CCDC73: variants seen among roughly 807,000 people sequenced by gnomAD.
CCDC73 encodes the protein coiled-coil domain-containing protein 73.
CCDC73 carries 95 observed loss-of-function variants against 116.5 expected under a neutral mutation model. The observed-to-expected ratio is 0.82, with a 90% CI of 0.69 to 0.97. The LOEUF (loss-of-function observed/expected upper bound fraction) is 0.97. Among genes scored for constraint, CCDC73 ranks in the 50% least tolerant of loss-of-function variants. The pLI is 0.00. For synonymous variants in CCDC73, 398 were observed against 401.3 expected, an observed-to-expected ratio of 0.99 and a Z score of 0.10; for missense variants, 1,066 against 1,206.8, an observed-to-expected ratio of 0.88 and a Z score of 1.73.
intron 9 of CCDC73, among the ~76,000 whole-genome samples, chr11:32,660,512 T>C (rs1855913471): frequency 6.6e-6 from 1 of 152,136 alleles, no homozygotes; most frequent in Non-Finnish European, 1.5e-5. Context: ...AAAGCAGATA[T>C]TATTGTATTT....
At chr11:32,637,734 C>CAGG (rs1398341755) in intron 13 of CCDC73, among the ~76,000 whole-genome samples, 1 of 151,962 alleles carries the variant, frequency 6.6e-6, no homozygotes, top group Non-Finnish European at 1.5e-5. Flanking sequence ...ATAAGAAACC[C>CAGG]AAGGTTCTTT....
intron 2 of CCDC73, among the ~76,000 whole-genome samples, chr11:32,741,950 T>A (rs959458115): frequency 6.6e-6 from 1 of 152,116 alleles, no homozygotes; most frequent in Non-Finnish European, 1.5e-5. Context: ...AGAATGATGG[T>A]TTCCAGCTTC....
intron 14 of CCDC73, among the ~76,000 whole-genome samples, chr11:32,632,727 G>C (rs12280846): frequency 1.3e-5 from 2 of 151,786 alleles, no homozygotes; most frequent in African/African-American, 4.8e-5. Flanking sequence ...TTTGCTTCAT[G>C]TTTATATGTG....
intron 1 of CCDC73, among the ~76,000 whole-genome samples, chr11:32,761,484 A>G (rs1850391560): frequency 6.6e-6 from 1 of 152,166 alleles, no homozygotes; most frequent in Non-Finnish European, 1.5e-5. Flanking sequence ...GTGAATATTG[A>G]GTCCATTTTT....
At chr11:32,653,095 G>T in intron 12 of CCDC73, 28 bp downstream of exon 12, 1 of 1,244,494 alleles carries the variant, frequency 8.0e-7, no homozygotes, top group Non-Finnish European at 1.2e-6. Context: ...CAGATAGATA[G>T]ACAGACAGAC....
At chr11:32,697,324 T>C (rs2133310477) in intron 6 of CCDC73, among the ~76,000 whole-genome samples, 1 of 147,974 alleles carries the variant, frequency 6.8e-6, no homozygotes, top group South Asian at 2.2e-4. Flanking sequence ...ATGATATTAT[T>C]ATACCTAGTA....
chr11:32,638,835 T>A (rs1452310628), intron 13 of CCDC73, among the ~76,000 whole-genome samples: 1 of 150,754 alleles, frequency 6.6e-6, no homozygotes, highest in Non-Finnish European at 1.5e-5. Flanking sequence ...AGGGTGGAGA[T>A]GGGAACCTTA....
chr11:32,757,933 T>G (rs1850357553), intron 2 of CCDC73, among the ~76,000 whole-genome samples: 1 of 152,190 alleles, frequency 6.6e-6, no homozygotes, highest in Admixed American at 6.5e-5. Flanking sequence ...TTCTTGAAAT[T>G]AGGACATGGA....
intron 14 of CCDC73, among the ~76,000 whole-genome samples, chr11:32,631,860 G>T (rs1047817455): frequency 6.6e-6 from 1 of 151,878 alleles, no homozygotes; most frequent in Non-Finnish European, 1.5e-5. Flanking sequence ...AGACATATAG[G>T]CAGGCAGGCA....
intron 1 of CCDC73, among the ~76,000 whole-genome samples, chr11:32,764,287 G>T (rs1317368410): frequency 9.2e-5 from 14 of 152,134 alleles, no homozygotes; most frequent in Non-Finnish European, 1.0e-4. Flanking sequence ...TCCTCGAGAA[G>T]AGCAACTCCA....
intron 1 of CCDC73, among the ~76,000 whole-genome samples, chr11:32,776,936 A>AAAAT (rs1341535562): frequency 6.0e-3 from 219 of 36,444 alleles, no homozygotes; most frequent in African/African-American, 0.017. Flanking sequence ...AAAAAAAAAA[A>AAAAT]ATATATATAT....
At chr11:32,764,561 G>C (rs181053861) in intron 1 of CCDC73, among the ~76,000 whole-genome samples, 1 of 152,294 alleles carries the variant, frequency 6.6e-6, no homozygotes, top group East Asian at 1.9e-4. Context: ...ACAAGGAAAT[G>C]CTGAGAGATT....
intron 3 of CCDC73, among the ~76,000 whole-genome samples, chr11:32,715,498 GCACACA>G (rs35260107): frequency 1.3e-5 from 2 of 148,468 alleles, no homozygotes; most frequent in East Asian, 2.0e-4. Context: ...TGATACACAC[GCACACA>G]CACACACACA....
chr11:32,629,589 G>A (rs1397532412), intron 14 of CCDC73, among the ~76,000 whole-genome samples: 2 of 151,868 alleles, frequency 1.3e-5, no homozygotes, highest in Non-Finnish European at 2.9e-5. Flanking sequence ...TAGTAGAGAC[G>A]GGGTTTCACC....
chr11:32,734,639 C>G (rs1364449985), intron 2 of CCDC73, among the ~76,000 whole-genome samples: 1 of 151,880 alleles, frequency 6.6e-6, no homozygotes, highest in African/African-American at 2.4e-5. Flanking sequence ...AAGGAGCATG[C>G]TGCCTTCAAG....
chr11:32,758,109 A>G (rs993699741), intron 2 of CCDC73, among the ~76,000 whole-genome samples: 2 of 152,198 alleles, frequency 1.3e-5, no homozygotes, highest in African/African-American at 2.4e-5. Flanking sequence ...AAAAACAGTA[A>G]CAGTCTTTTT....
chr11:32,699,579 T>C (rs995407154), intron 5 of CCDC73, among the ~76,000 whole-genome samples: 4 of 152,144 alleles, frequency 2.6e-5, no homozygotes, highest in African/African-American at 7.2e-5. Flanking sequence ...ATGTCCTTTG[T>C]AGGGACATGG....
At chr11:32,731,263 C>A (rs1034989662) in intron 2 of CCDC73, among the ~76,000 whole-genome samples, 1 of 151,978 alleles carries the variant, frequency 6.6e-6, no homozygotes, top group Non-Finnish European at 1.5e-5. Flanking sequence ...AGTAGGTAAA[C>A]AAAGTGGCCA....
Position 32,675,601 on chromosome 11 carries a change from A to G in CCDC73, c.609T>C (p.Asn203=). The change falls in exon 9 of 18, where the codon AAT becomes AAC. Residue 203 remains asparagine, a synonymous_variant. Coordinates refer to ENST00000335185, the MANE Select transcript of CCDC73 (RefSeq NM_001008391.4). ...TGCATATTTCAGCTTCTTGTTTTTT[A>G]TTTAAAGCTGAAAGTCTTTTGTTTG... ...IQSNKRLSAL[N]KKQEAEICSL... 1 of 1,590,378 alleles carries G rather than the reference A, an allele frequency of 6.3e-7. No homozygotes were observed. The highest frequency in any genetic ancestry group is 1.4e-5 in the African/African-American group (1 of 73,580).
Sources: allele counts gnomAD v4.1 joint callset (sites outside exome capture counted in the v4.1 genomes callset), GRCh38; gene constraint gnomAD v4.1.1; transcripts MANE v1.5; gene names NCBI Gene and HGNC (gene_info 2026-07-23, HGNC 2026-07-21).